Variants in SIAH3 observed in about 807,000 individuals in gnomAD.
SIAH3 encodes the protein siah E3 ubiquitin protein ligase family member 3.
Under a neutral mutation model 12.6 loss-of-function variants are expected in SIAH3, and 9 were observed. The observed-to-expected ratio is 0.72, with a 90% CI of 0.43 to 1.25. The LOEUF is 1.25. Ranked by LOEUF, SIAH3 falls within the 50% of genes most tolerant of loss-of-function variation. The probability of loss-of-function intolerance (pLI) is 0.00; values close to 1 mark genes in which losing one functional copy is unlikely to be tolerated. For missense variants in SIAH3, 390 were observed against 365.4 expected (o/e 1.07, Z -0.55); for synonymous variants, 154 against 151.1 (o/e 1.02, Z -0.14).
At chr13:45,836,923 T>C (rs1950719842) in intron 1 of SIAH3, among the ~76,000 whole-genome samples, 1 of 152,190 alleles carries the variant, frequency 6.6e-6, no homozygotes, top group African/African-American at 2.4e-5. Flanking sequence ...TGCTTGGACA[T>C]ACCCAGGTGA....
At chr13:45,831,415 T>C (rs1950698891) in intron 1 of SIAH3, among the ~76,000 whole-genome samples, 2 of 152,040 alleles carry the variant, frequency 1.3e-5, no homozygotes, top group South Asian at 4.1e-4. Flanking sequence ...AAATTGATAT[T>C]TGTAGACATA....
chr13:45,824,607 G>C (rs1344186551), intron 1 of SIAH3, among the ~76,000 whole-genome samples: 1 of 152,124 alleles, frequency 6.6e-6, no homozygotes, highest in African/African-American at 2.4e-5. Context: ...CCAACATGCA[G>C]GTGGAGTTGA....
chr13:45,809,641 A>T (rs9670944), intron 1 of SIAH3, among the ~76,000 whole-genome samples: 1 of 152,228 alleles, frequency 6.6e-6, no homozygotes, highest in African/African-American at 2.4e-5. Flanking sequence ...ATAGCTTTTT[A>T]AAAAAGTAAG....
At chr13:45,809,817 G>A (rs578050107) in intron 1 of SIAH3, among the ~76,000 whole-genome samples, 1 of 152,212 alleles carries the variant, frequency 6.6e-6, no homozygotes, top group Admixed American at 6.5e-5. Context: ...TTTTACAGAT[G>A]TCTGTACAGA....
chr13:45,840,840 C>A (rs927137983), intron 1 of SIAH3, among the ~76,000 whole-genome samples: 2 of 152,156 alleles, frequency 1.3e-5, no homozygotes, highest in Non-Finnish European at 2.9e-5. Flanking sequence ...CGCTTTAAAG[C>A]ACAGAAATTT....
Position 45,777,620 on chromosome 13 carries a change from G to A in SIAH3, c.*5763C>T, listed in dbSNP as rs1455192297. On this transcript the variant is annotated 3_prime_UTR_variant, in exon 2 of 2. Transcript: ENST00000400405. ...TTTCAGTGAAGTTTTTCTTCAGCTG[G>A]CTATTTTCCAGGTGAACACAATGGG... 1.3e-5 allele frequency: 2 copies of A among 152,114 alleles called. No homozygotes were observed. The highest frequency in any genetic ancestry group is 2.9e-5 in the Non-Finnish European group (2 of 68,022). The allele number at this position is 152,114 out of a possible 1,614,324, so 9.4% of individuals were successfully genotyped here. A position where few individuals can be genotyped will look rare whatever the true frequency, so the allele number is the denominator to read the frequency against.
At chr13:45,843,034 C>CTCTCTGTGTGTGTGTGTGTGTG (rs560128772) in intron 1 of SIAH3, among the ~76,000 whole-genome samples, 86 of 139,282 alleles carry the variant, frequency 6.2e-4, no homozygotes, top group East Asian at 5.1e-3. Context: ...CTCTCTCTCT[C>CTCTCTGTGTGTGTGTGTGTGTG]TGTGTGTGTG....
intron 1 of SIAH3, among the ~76,000 whole-genome samples, chr13:45,819,103 A>C (rs1211440155): frequency 2.0e-5 from 3 of 152,130 alleles, no homozygotes; most frequent in Non-Finnish European, 4.4e-5. Flanking sequence ...GATGGCTCAG[A>C]GCACCAGGAC....
intron 1 of SIAH3, among the ~76,000 whole-genome samples, chr13:45,789,587 A>C (rs967781011): frequency 2.6e-5 from 4 of 152,052 alleles, no homozygotes; most frequent in Non-Finnish European, 5.9e-5. Flanking sequence ...TTGTATTTTT[A>C]GTAGGGACGG....
At chr13:45,850,147 A>C (rs1055374384) in intron 1 of SIAH3, among the ~76,000 whole-genome samples, 1 of 152,168 alleles carries the variant, frequency 6.6e-6, no homozygotes, top group Non-Finnish European at 1.5e-5. Context: ...TATCAGAGAG[A>C]GTCAGATCCT....
At chr13:45,786,959 C>T (rs1218779874) in intron 1 of SIAH3, among the ~76,000 whole-genome samples, 1 of 152,162 alleles carries the variant, frequency 6.6e-6, no homozygotes, top group Non-Finnish European at 1.5e-5. Flanking sequence ...TTTCCATCTT[C>T]TCTGTCCTGA....
intron 1 of SIAH3, among the ~76,000 whole-genome samples, chr13:45,799,641 G>T (rs562624132): frequency 6.4e-4 from 97 of 152,336 alleles, no homozygotes; most frequent in African/African-American, 2.2e-3. Flanking sequence ...TGGTAGTGGA[G>T]CTGGGCTTTG....
At chr13:45,789,776 G>A (rs1353930575) in intron 1 of SIAH3, among the ~76,000 whole-genome samples, 2 of 152,086 alleles carry the variant, frequency 1.3e-5, no homozygotes, top group African/African-American at 2.4e-5. Flanking sequence ...AAACATCAAG[G>A]TAATCACCTA....
At position 45,826,232 on chromosome 13, in the gene SIAH3, C is replaced by T. The variant is rs973409721; in HGVS notation, c.135+25263G>A. Among the ~76,000 whole-genome samples, 89 of 152,194 alleles carry T rather than the reference C, an allele frequency of 5.8e-4. 1 individual carries two copies. Among genetic ancestry groups the T allele is most frequent in the Middle Eastern group, 6.8e-3 (2 of 294 alleles). On this transcript the variant is annotated intron_variant, in intron 1 of 1. Transcript: ENST00000400405. ...TCTTCTCTGGGCTGGATTGTAAACCCTGTGAGATCAGACCTGTTTATGTCA... is the reference window on the plus strand; with the variant it reads ...TCTTCTCTGGGCTGGATTGTAAACCTTGTGAGATCAGACCTGTTTATGTCA...
chr13:45,826,445 A>ATCAGTGGGTGCGTGGG (rs1950676904), intron 1 of SIAH3, among the ~76,000 whole-genome samples: 1 of 46,512 alleles, frequency 2.1e-5, no homozygotes. Context: ...GGATGCATGG[A>ATCAGTGGGTGCGTGGG]TGGATGGATG....
At position 45,788,265 on chromosome 13, in the gene SIAH3, T is replaced by C. The variant is rs532472491; in HGVS notation, c.136-4208A>G. On this transcript the variant is annotated intron_variant, in intron 1 of 1. Coordinates refer to ENST00000400405, the MANE Select transcript of SIAH3 (RefSeq NM_198849.3). Reference sequence around the variant, plus strand: ...GGGATTCTTTTAATTGGCAAAATGCTAATCGTTTCAGAAAATGAATTCCAA... The same window carrying C: ...GGGATTCTTTTAATTGGCAAAATGCCAATCGTTTCAGAAAATGAATTCCAA... 7.2e-5 allele frequency among the ~76,000 whole-genome samples: 11 copies of C among 152,360 alleles called. No homozygotes were observed. In the East Asian group the frequency reaches 2.1e-3, roughly 29 times the overall value.
intron 1 of SIAH3, 116 bp from the exon 2 acceptor site, chr13:45,784,173 T>G: frequency 1.0e-6 from 1 of 995,180 alleles, no homozygotes; most frequent in South Asian, 1.7e-5. Context: ...TGAGAAAGGT[T>G]CATTTCTTAA....
chr13:45,817,917 G>A (rs143894664), intron 1 of SIAH3, among the ~76,000 whole-genome samples: 102 of 152,312 alleles, frequency 6.7e-4, no homozygotes, highest in African/African-American at 2.4e-3. Flanking sequence ...TTGTATGTGT[G>A]AGGAGAGACC....
At chr13:45,792,120 T>C (rs1392681197) in intron 1 of SIAH3, among the ~76,000 whole-genome samples, 5 of 152,216 alleles carry the variant, frequency 3.3e-5, no homozygotes, top group Non-Finnish European at 5.9e-5. Context: ...GTCAGCTTCC[T>C]GCAGCCCGTG....
Sources: allele counts gnomAD v4.1 joint callset (sites outside exome capture counted in the v4.1 genomes callset), GRCh38; gene constraint gnomAD v4.1.1; transcripts MANE v1.5; gene names NCBI Gene and HGNC (gene_info 2026-07-23, HGNC 2026-07-21).